The following AUTS2 variants were observed in gnomAD, a reference collection of about 807,000 sequenced individuals.
AUTS2 encodes activator of transcription and developmental regulator AUTS2, also known as autism susceptibility gene 2 protein.
A neutral mutation model predicts 112.4 loss-of-function variants in AUTS2; 17 were observed. The ratio of observed to expected loss-of-function variants is 0.15; its 90% CI spans 0.10 to 0.23. AUTS2 has a LOEUF of 0.23. Ranked by LOEUF, AUTS2 falls within the 10% of genes least tolerant of loss-of-function variation. AUTS2 has a pLI of 1.00. For synonymous variants in AUTS2, 751 were observed against 702.7 expected (o/e 1.07, Z -1.09); for missense variants, 1,510 against 1,701.6 (o/e 0.89, Z 1.98).
chr7:70,410,551 G>A (rs1247327482), intron 4 of AUTS2, among the ~76,000 whole-genome samples: 1 of 151,724 alleles, frequency 6.6e-6, no homozygotes, highest in Non-Finnish European at 1.5e-5. Context: ...TGCCTCCAGA[G>A]TAGCTGAAAC....
intron 4 of AUTS2, among the ~76,000 whole-genome samples, chr7:70,434,245 T>C (rs1795798118): frequency 6.6e-6 from 1 of 152,150 alleles, no homozygotes; most frequent in South Asian, 2.1e-4. Flanking sequence ...TGCCCAGAGG[T>C]TTACCTCTTT....
intron 4 of AUTS2, among the ~76,000 whole-genome samples, chr7:70,170,305 A>G (rs776273790): frequency 1.1e-4 from 17 of 151,684 alleles, no homozygotes; most frequent in Non-Finnish European, 2.2e-4. Context: ...GTCTACAGGC[A>G]TATACCACCG....
intron 2 of AUTS2, among the ~76,000 whole-genome samples, chr7:70,029,766 T>C (rs1584605094): frequency 6.6e-6 from 1 of 152,176 alleles, no homozygotes; most frequent in Non-Finnish European, 1.5e-5. Context: ...GGGAAAAATA[T>C]TAAATATGTT....
In AUTS2 at chr7:70,310,469, T is replaced by C. The variant is rs968087680; in HGVS notation, c.661-125283T>C. 3.9e-5 allele frequency among the ~76,000 whole-genome samples: 6 copies of C among 151,934 alleles called. No individual in the cohort carries two copies. In the South Asian group the frequency reaches 6.2e-4, roughly 16 times the overall value. ...ACTAAAAAAATACAAAAAAATTAGCTGGGCGTGGTGGTGGGCGCCTGTAGT... is the reference window on the plus strand; with the variant it reads ...ACTAAAAAAATACAAAAAAATTAGCCGGGCGTGGTGGTGGGCGCCTGTAGT... On this transcript the variant is annotated intron_variant, in intron 4 of 18. Transcript: ENST00000342771.
In AUTS2 at chr7:69,703,773, G is replaced by A. The variant is rs559780219; in HGVS notation, c.309+103811G>A. 3.3e-5 allele frequency among the ~76,000 whole-genome samples: 5 copies of A among 152,284 alleles called. No individual in the cohort carries two copies. The South Asian group carries it at 1.0e-3, about 32-fold the overall frequency. On this transcript the variant is annotated intron_variant, in intron 1 of 18. Transcript: ENST00000342771. ...AAATAAAAGCTCTCTGCAGTTGTTT[G>A]GCTCTTTAAAGAGATTGTTTATTGG...
rs554280426 is a variant in AUTS2 at position 70,448,550 on chromosome 7, A to G, written c.690+12769A>G. Among the ~76,000 whole-genome samples, 16 of 152,358 alleles carry G rather than the reference A, an allele frequency of 1.1e-4. No individual in the cohort carries two copies. In the East Asian group the frequency reaches 3.1e-3, roughly 29 times the overall value. On this transcript the variant is annotated intron_variant, in intron 5 of 18. Transcript: ENST00000342771. ...AGTTTCTCCTCTAGCCTTAGATCCA[A>G]TCACTCAAGTAGTAAAGAATAAGAA...
chr7:70,705,185 A>G (rs1007099670), intron 6 of AUTS2, among the ~76,000 whole-genome samples: 1 of 152,206 alleles, frequency 6.6e-6, no homozygotes, highest in Non-Finnish European at 1.5e-5. Flanking sequence ...TTTCCTGTGC[A>G]TAAGTCAAAT....
At chr7:70,469,233 T>A (rs1797283485) in intron 5 of AUTS2, among the ~76,000 whole-genome samples, 1 of 152,180 alleles carries the variant, frequency 6.6e-6, no homozygotes, top group Non-Finnish European at 1.5e-5. Flanking sequence ...GTGTGTGGTG[T>A]CTGCATGCAA....
In AUTS2 at chr7:69,835,177, A is replaced by C. The variant is rs546405326; in HGVS notation, c.310-64109A>C. 3.9e-5 allele frequency among the ~76,000 whole-genome samples: 6 copies of C among 152,128 alleles called. No homozygotes were observed. In the East Asian group the frequency reaches 1.2e-3, roughly 30 times the overall value. ...AATCTCACTAATTTCTAGGTTTGTT[A>C]AGGGACAACATGGTGTATTGCTGGA... On this transcript the variant is annotated intron_variant, in intron 1 of 18. Transcript: ENST00000342771.
At chr7:70,281,344 A>T (rs2129610525) in intron 4 of AUTS2, among the ~76,000 whole-genome samples, 1 of 152,332 alleles carries the variant, frequency 6.6e-6, no homozygotes, top group South Asian at 2.1e-4. Flanking sequence ...AGAGCGAAAC[A>T]TATCTAGAGA....
At chr7:70,290,382 G>T (rs1467380625) in intron 4 of AUTS2, 18 of 1,504,940 alleles carry the variant, frequency 1.2e-5, no homozygotes, top group Non-Finnish European at 1.6e-5. Flanking sequence ...CAGGGAAGAT[G>T]TGCCTTGGAG....
chr7:70,582,037 C>CTT (rs35939256), intron 5 of AUTS2, among the ~76,000 whole-genome samples: 15 of 128,748 alleles, frequency 1.2e-4, no homozygotes, highest in African/African-American at 1.7e-4. Flanking sequence ...ACCCAACCCA[C>CTT]TTTTTTTTTT....
chr7:70,167,763 G>A (rs569375437), intron 4 of AUTS2, among the ~76,000 whole-genome samples: 16 of 152,214 alleles, frequency 1.1e-4, no homozygotes, highest in Non-Finnish European at 1.8e-4. Context: ...AAGGATACCC[G>A]GAATGTCCTC....
At chr7:70,717,156 C>T (rs757722001) in intron 6 of AUTS2, among the ~76,000 whole-genome samples, 12 of 151,986 alleles carry the variant, frequency 7.9e-5, no homozygotes, top group Non-Finnish European at 1.3e-4. Context: ...CCCAGCCTTG[C>T]GAGTAGCTAA....
chr7:70,217,324 A>G (rs1203347426), intron 4 of AUTS2, among the ~76,000 whole-genome samples: 1 of 152,170 alleles, frequency 6.6e-6, no homozygotes, highest in African/African-American at 2.4e-5. Flanking sequence ...AGGAACTGGA[A>G]GATAAAGTAT....
intron 5 of AUTS2, among the ~76,000 whole-genome samples, chr7:70,523,265 A>G (rs1799713973): frequency 6.6e-6 from 1 of 152,164 alleles, no homozygotes; most frequent in South Asian, 2.1e-4. Context: ...TGATCCAGGG[A>G]TAGAATGTAG....
chr7:70,456,662 C>T (rs970084743), intron 5 of AUTS2, among the ~76,000 whole-genome samples: 1 of 152,228 alleles, frequency 6.6e-6, no homozygotes, highest in Non-Finnish European at 1.5e-5. Context: ...GGTGTCCACC[C>T]ATAGGTGTTC....
At chr7:70,232,808 A>T (rs1812126699) in intron 4 of AUTS2, among the ~76,000 whole-genome samples, 1 of 152,238 alleles carries the variant, frequency 6.6e-6, no homozygotes, top group Non-Finnish European at 1.5e-5. Context: ...ATTTTTAGAA[A>T]AAGTCAAAGG....
chr7:69,792,914 T>A (rs1010096444), intron 1 of AUTS2, among the ~76,000 whole-genome samples: 3 of 152,162 alleles, frequency 2.0e-5, no homozygotes, highest in African/African-American at 7.2e-5. Context: ...ATTCTGAGAA[T>A]CATTGCCTTA....
Sources: gnomAD v4.1 joint callset for allele counts (sites outside exome capture counted in the v4.1 genomes callset) on GRCh38, gnomAD v4.1.1 for gene constraint, MANE v1.5 for transcripts, NCBI Gene and HGNC (gene_info 2026-07-23, HGNC 2026-07-21) for gene names.